Variants in VTI1A observed in about 807,000 individuals in gnomAD.
VTI1A encodes the protein vesicle transport through interaction with t-SNAREs homolog 1A.
VTI1A carries 22 observed loss-of-function variants against 34.9 expected under a neutral mutation model. The observed-to-expected ratio is 0.63, with a 90% CI of 0.45 to 0.90. VTI1A has a LOEUF of 0.90. VTI1A is among the 40% of genes least tolerant of loss of function. The probability of loss-of-function intolerance (pLI) is 0.00; values close to 1 mark genes in which losing one functional copy is unlikely to be tolerated. For synonymous variants in VTI1A, 87 were observed against 97.3 expected (o/e 0.89, Z 0.62); for missense variants, 268 against 275.6 (o/e 0.97, Z 0.20).
At chr10:112,596,753 A>G (rs1275803186) in intron 5 of VTI1A, among the ~76,000 whole-genome samples, 1 of 151,982 alleles carries the variant, frequency 6.6e-6, no homozygotes, top group Non-Finnish European at 1.5e-5. Context: ...TTTCTCTTAC[A>G]TTGCTTAACT....
intron 3 of VTI1A, among the ~76,000 whole-genome samples, chr10:112,479,420 T>A (rs1238325848): frequency 6.6e-6 from 1 of 152,198 alleles, no homozygotes; most frequent in African/African-American, 2.4e-5. Context: ...AGGGGTTCTC[T>A]CTGGAAGTTC....
At chr10:112,679,203 G>T (rs893301712) in intron 7 of VTI1A, among the ~76,000 whole-genome samples, 2 of 152,106 alleles carry the variant, frequency 1.3e-5, no homozygotes, top group East Asian at 3.9e-4. Context: ...AAAGTAAGTG[G>T]CTGGGGATTG....
chr10:112,475,992 C>T (rs1170763482), intron 3 of VTI1A, among the ~76,000 whole-genome samples: 1 of 152,168 alleles, frequency 6.6e-6, no homozygotes, highest in East Asian at 1.9e-4. Flanking sequence ...CCAATGGTCC[C>T]TGTTTAGATA....
chr10:112,736,875 A>G (rs79741943), intron 7 of VTI1A: 18 of 783,170 alleles, frequency 2.3e-5, no homozygotes, highest in Non-Finnish European at 3.8e-5. Flanking sequence ...GAGTAGTGAG[A>G]TGATGCTGGT....
chr10:112,465,141 A>G (rs1014408530), intron 3 of VTI1A, among the ~76,000 whole-genome samples: 3 of 152,232 alleles, frequency 2.0e-5, no homozygotes, highest in Non-Finnish European at 2.9e-5. Flanking sequence ...CCCAAAAGAT[A>G]AAAGAAACCA....
rs557189298 is a variant in VTI1A at position 112,709,682 on chromosome 10, C to CCTTTTTTTTTTTTTTTTTTTTTTT, written c.560+40684_560+40685insCTTTTTTTTTTTTTTTTTTTTTTT. Among the ~76,000 whole-genome samples the CCTTTTTTTTTTTTTTTTTTTTTTT allele has an allele frequency of 2.8e-5, 2 of 70,256 alleles. 1 individual carries two copies. Among genetic ancestry groups the CCTTTTTTTTTTTTTTTTTTTTTTT allele is most frequent in the African/African-American group, 1.3e-4 (2 of 15,346 alleles). 46.1% of individuals were successfully genotyped at this position (70,256 alleles called of 152,430 possible). A position where few individuals can be genotyped will look rare whatever the true frequency, so the allele number is the denominator to read the frequency against. On this transcript the variant is annotated intron_variant, in intron 7 of 7. Coordinates refer to ENST00000393077, the MANE Select transcript of VTI1A (RefSeq NM_145206.4). The stretch of plus-strand genomic sequence containing the variant: ...CCCCAACAAGAGGCACTCTATGTGG[C>CCTTTTTTTTTTTTTTTTTTTTTTT]TTTTTTTTTTTTTTTTTTTTTTTTT...
At chr10:112,836,681 G>T in the VTI1A span, among the ~76,000 whole-genome samples, 2 of 152,172 alleles carry the variant, frequency 1.3e-5, no homozygotes, top group African/African-American at 2.4e-5. Flanking sequence ...CCTAAAAGGG[G>T]AGTCTAATTT....
At chr10:112,608,731 G>T (rs2044365) in intron 5 of VTI1A, among the ~76,000 whole-genome samples, 82,536 of 151,962 alleles carry the variant, frequency 0.54, 22,779 homozygotes, top group Admixed American at 0.65. Flanking sequence ...AATTTCAGCA[G>T]TTAAAATAAT....
chr10:112,785,507 A>G (rs1852258482), intron 7 of VTI1A, among the ~76,000 whole-genome samples: 2 of 152,074 alleles, frequency 1.3e-5, no homozygotes, highest in Non-Finnish European at 2.9e-5. Flanking sequence ...AAAGCTGTTA[A>G]TTTTGATAAA....
At chr10:112,654,264 C>A (rs1847143929) in intron 5 of VTI1A, among the ~76,000 whole-genome samples, 1 of 152,106 alleles carries the variant, frequency 6.6e-6, no homozygotes, top group South Asian at 2.1e-4. Context: ...ATCTAATAAG[C>A]AAGATTATCA....
chr10:112,731,496 A>C (rs2133958598), intron 7 of VTI1A, among the ~76,000 whole-genome samples: 1 of 151,490 alleles, frequency 6.6e-6, no homozygotes, highest in South Asian at 2.1e-4. Context: ...AATCGCTTGA[A>C]CCTGGAAGGT....
At chr10:112,617,625 T>C (rs908294522) in intron 5 of VTI1A, among the ~76,000 whole-genome samples, 1 of 152,100 alleles carries the variant, frequency 6.6e-6, no homozygotes, top group African/African-American at 2.4e-5. Context: ...GTTCAAGTAT[T>C]CTAAGGGCCT....
rs1015803770 is a variant in VTI1A at position 112,815,744 on chromosome 10, G to A, written c.*361G>A. ...AGGACATGATGAGTCAGTCACGAGA[G>A]CTTCTGTTTGTCACCCGCCTCTTGT... On this transcript the variant is annotated 3_prime_UTR_variant, in exon 8 of 8. Transcript: ENST00000393077. The A allele has an allele frequency of 7.2e-6, 2 of 276,770 alleles. No homozygotes were observed. The highest frequency in any genetic ancestry group is 4.3e-5 in the African/African-American group (2 of 46,562). 17.1% of individuals were successfully genotyped at this position (276,770 alleles called of 1,614,324 possible).
intron 5 of VTI1A, among the ~76,000 whole-genome samples, chr10:112,557,838 T>A (rs1340818023): frequency 6.6e-6 from 1 of 152,168 alleles, no homozygotes; most frequent in African/African-American, 2.4e-5. Flanking sequence ...AAGGAGGACT[T>A]CTTCTCCAGG....
chr10:112,552,161 TTTACA>T (rs1851383905), intron 5 of VTI1A, among the ~76,000 whole-genome samples: 1 of 152,136 alleles, frequency 6.6e-6, no homozygotes, highest in Non-Finnish European at 1.5e-5. Context: ...TCAGACTACT[TTTACA>T]TCTGTTAACT....
chr10:112,706,387 A>T (rs978972224), intron 7 of VTI1A, among the ~76,000 whole-genome samples: 6 of 152,218 alleles, frequency 3.9e-5, no homozygotes, highest in African/African-American at 1.2e-4. Flanking sequence ...AGCAGAAGAC[A>T]GTGGTTACAT....
At chr10:112,506,168 G>A (rs191280436) in intron 3 of VTI1A, among the ~76,000 whole-genome samples, 1 of 152,192 alleles carries the variant, frequency 6.6e-6, no homozygotes, top group Admixed American at 6.5e-5. Context: ...AGTCTGTACG[G>A]CATATTACTG....
At chr10:112,771,953 T>G (rs1851826024) in intron 7 of VTI1A, among the ~76,000 whole-genome samples, 1 of 152,238 alleles carries the variant, frequency 6.6e-6, no homozygotes, top group South Asian at 2.1e-4. Flanking sequence ...TTACCTATTC[T>G]TCAGCCAATG....
intron 4 of VTI1A, among the ~76,000 whole-genome samples, chr10:112,537,567 A>G (rs1850693700): frequency 1.3e-5 from 2 of 152,106 alleles, no homozygotes; most frequent in South Asian, 2.1e-4. Context: ...TTCACAGTCT[A>G]AAGCACTGTG....
Sources: allele counts gnomAD v4.1 joint callset (sites outside exome capture counted in the v4.1 genomes callset), GRCh38; gene constraint gnomAD v4.1.1; transcripts MANE v1.5; gene names NCBI Gene and HGNC (gene_info 2026-07-23, HGNC 2026-07-21).